The following ZNF516 variants were observed in gnomAD, a reference collection of about 807,000 sequenced individuals.
ZNF516 encodes zinc finger protein 516.
Under a neutral mutation model 79.7 loss-of-function variants are expected in ZNF516, and 19 were observed. The observed-to-expected ratio is 0.24, with a 90% CI of 0.17 to 0.35. The LOEUF is 0.35. Ranked by LOEUF, ZNF516 falls within the 10% of genes least tolerant of loss-of-function variation. The pLI is 1.00. For synonymous variants in ZNF516, 877 were observed against 739.5 expected, an observed-to-expected ratio of 1.19 and a Z score of -3.02; for missense variants, 1,678 against 1,679.5, an observed-to-expected ratio of 1.00 and a Z score of 0.02.
At chr18:76,370,821 C>A (rs370060829) in intron 5 of ZNF516, among the ~76,000 whole-genome samples, 3 of 152,202 alleles carry the variant, frequency 2.0e-5, no homozygotes, top group African/African-American at 7.2e-5. Flanking sequence ...AGAAAGCAAT[C>A]ACTGACAACA....
upstream of ZNF516, chr18:76,496,155 C>A (rs1331831163): frequency 1.6e-6 from 1 of 631,776 alleles, no homozygotes. Context: ...GAGGGGAGGG[C>A]GGGCGCGCGG....
chr18:76,404,678 T>C (rs2075279021), intron 3 of ZNF516, among the ~76,000 whole-genome samples: 1 of 152,188 alleles, frequency 6.6e-6, no homozygotes. Flanking sequence ...CGTGAGTTTG[T>C]GCCTGTGAGC....
At chr18:76,496,123 G>A (rs1915469893), upstream of ZNF516, among the ~76,000 whole-genome samples, 1 of 150,734 alleles carries the variant, frequency 6.6e-6, no homozygotes, top group Non-Finnish European at 1.5e-5. Context: ...CCTGTTACAG[G>A]GCAGGGATGG....
At chr18:76,448,411 G>A (rs1912193115) in intron 2 of ZNF516, among the ~76,000 whole-genome samples, 1 of 152,168 alleles carries the variant, frequency 6.6e-6, no homozygotes, top group Admixed American at 6.5e-5. Context: ...TAATAATACA[G>A]AGCAGAAAAG....
chr18:76,483,936 C>T (rs1914680415), intron 1 of ZNF516, among the ~76,000 whole-genome samples: 1 of 152,122 alleles, frequency 6.6e-6, no homozygotes, highest in Non-Finnish European at 1.5e-5. Context: ...CCAACTCGCA[C>T]GACATCCCCG....
chr18:76,478,906 AT>A (rs1239659001), intron 1 of ZNF516, among the ~76,000 whole-genome samples: 1 of 152,114 alleles, frequency 6.6e-6, no homozygotes, highest in Non-Finnish European at 1.5e-5. Context: ...AAATACAAAA[AT>A]TAGCTGGGCA....
intron 3 of ZNF516, among the ~76,000 whole-genome samples, chr18:76,390,379 T>G (rs868392386): frequency 1.3e-5 from 2 of 152,176 alleles, no homozygotes; most frequent in African/African-American, 4.8e-5. Flanking sequence ...GGCACACCTG[T>G]GTCAGGGTTT....
At chr18:76,481,124 T>C (rs1467191343) in intron 1 of ZNF516, among the ~76,000 whole-genome samples, 1 of 152,152 alleles carries the variant, frequency 6.6e-6, no homozygotes. Context: ...GGAGCTGACC[T>C]AGGATCCAAG....
At position 76,409,519 on chromosome 18, in the gene ZNF516, T is replaced by TA. The variant is rs2075346233; in HGVS notation, c.1811-29217dup. Reference sequence around the variant, plus strand: ...GTTGCAAAAAAAGAAAACAAGCACTTACATTTCATTGAACTAGAGACTGAA... The same window carrying TA: ...GTTGCAAAAAAAGAAAACAAGCACTTAACATTTCATTGAACTAGAGACTGAA... On this transcript the variant is annotated intron_variant, in intron 3 of 6. Coordinates refer to ENST00000443185, the MANE Select transcript of ZNF516 (RefSeq NM_014643.4). Among the ~76,000 whole-genome samples, 2 of 152,212 alleles carry TA rather than the reference T, an allele frequency of 1.3e-5. 1 individual carries two copies. The highest frequency in any genetic ancestry group is 4.1e-4 in the South Asian group (2 of 4,834).
intron 3 of ZNF516, among the ~76,000 whole-genome samples, chr18:76,419,461 A>T (rs181522701): frequency 3.9e-4 from 59 of 152,368 alleles, no homozygotes; most frequent in Non-Finnish European, 7.1e-4. Flanking sequence ...TGCACGTAAT[A>T]TAACAATACA....
intron 3 of ZNF516, among the ~76,000 whole-genome samples, chr18:76,413,301 TTTAAAA>T (rs1881817655): frequency 6.6e-6 from 1 of 152,214 alleles, no homozygotes; most frequent in Non-Finnish European, 1.5e-5. Context: ...ACTACATGAC[TTTAAAA>T]TTATATATAA....
chr18:76,437,067 AACACACACACACAC>A lies in ZNF516; in HGVS notation c.1810+4164_1810+4177del, dbSNP rs370573337. On this transcript the variant is annotated intron_variant, in intron 3 of 6. Coordinates refer to ENST00000443185, the MANE Select transcript of ZNF516 (RefSeq NM_014643.4). Reference sequence around the variant, plus strand: ...GGGTGACAGAGCAAGACCTGTCTAAAACACACACACACACACACACACACACACACACATACCGT... The same window carrying A: ...GGGTGACAGAGCAAGACCTGTCTAAAACACACACACACACACACATACCGT... Among the ~76,000 whole-genome samples the A allele has an allele frequency of 5.1e-5, 7 of 135,986 alleles. No individual in the cohort carries two copies. The South Asian group carries it at 7.4e-4, about 14-fold the overall frequency. 89.2% of individuals were successfully genotyped at this position (135,986 alleles called of 152,430 possible).
chr18:76,441,390 G>A lies in ZNF516; in HGVS notation c.1665C>T (p.Arg555=), dbSNP rs374420308. The A allele has an allele frequency of 1.1e-5, 18 of 1,609,640 alleles. No homozygotes were observed. Among genetic ancestry groups the A allele is most frequent in the Non-Finnish European group, 1.4e-5 (17 of 1,178,764 alleles). Residue 555 remains arginine, a synonymous_variant, in exon 3 of 7, where the codon CGC becomes CGT. Coordinates refer to ENST00000443185, the MANE Select transcript of ZNF516 (RefSeq NM_014643.4). The part of the protein sequence containing the change: ...DSDGDRAARA[R]CGSLSEGDSA... ...AGTCACCCTCACTGAGTGATCCGCA[G>A]CGGGCCCGCGCCGCCCTGTCCCCGT...
In ZNF516 at chr18:76,359,805, G is replaced by C. The variant is rs760898549; in HGVS notation, c.*2693C>G. 2 of 151,864 alleles carry C rather than the reference G, an allele frequency of 1.3e-5. No individual in the cohort carries two copies. Among genetic ancestry groups the C allele is most frequent in the Non-Finnish European group, 2.9e-5 (2 of 68,014 alleles). 9.4% of individuals were successfully genotyped at this position (151,864 alleles called of 1,614,324 possible). ...CAGTCAGAAGACAACGTACAGAAGT[G>C]TATCATGCAGAAATTACCATTCGGA... On this transcript the variant is annotated 3_prime_UTR_variant, in exon 7 of 7. Transcript: ENST00000443185.
chr18:76,412,776 G>A (rs1038919265), intron 3 of ZNF516, among the ~76,000 whole-genome samples: 1 of 152,178 alleles, frequency 6.6e-6, no homozygotes, highest in South Asian at 2.1e-4. Context: ...ACAGTTTTGG[G>A]CAACCAGGGA....
intron 2 of ZNF516, among the ~76,000 whole-genome samples, chr18:76,449,315 C>CGTT (rs1333085947): frequency 6.6e-6 from 1 of 152,224 alleles, no homozygotes; most frequent in Non-Finnish European, 1.5e-5. Context: ...CTACTCCGGC[C>CGTT]CAACAGCCTC....
At chr18:76,450,360 C>A (rs1406147356) in intron 2 of ZNF516, among the ~76,000 whole-genome samples, 2 of 150,966 alleles carry the variant, frequency 1.3e-5, no homozygotes, top group Admixed American at 1.3e-4. Flanking sequence ...ACTCCCCACC[C>A]TCCCCAGGCC....
chr18:76,430,130 A>G (rs751920451), intron 3 of ZNF516, among the ~76,000 whole-genome samples: 3 of 152,176 alleles, frequency 2.0e-5, no homozygotes, highest in African/African-American at 2.4e-5. Flanking sequence ...TCTTACCAAC[A>G]CATCCCTATC....
rs189119176 is a variant in ZNF516, at chr18:76,387,488, T to C, written c.1811-7185A>G. 3 of 152,296 alleles carry C rather than the reference T, an allele frequency of 2.0e-5. No individual in the cohort carries two copies. The East Asian group carries it at 5.8e-4, about 29-fold the overall frequency. 9.4% of individuals were successfully genotyped at this position (152,296 alleles called of 1,614,324 possible). On this transcript the variant is annotated intron_variant, in intron 3 of 6. Coordinates refer to ENST00000443185, the MANE Select transcript of ZNF516 (RefSeq NM_014643.4). ...AATTCTGTGTGTCGTGGTAGGTTTA[T>C]AAAATACAAATTGTTTTAATATATT...
Sources: gnomAD v4.1 joint callset for allele counts (sites outside exome capture counted in the v4.1 genomes callset) on GRCh38, gnomAD v4.1.1 for gene constraint, MANE v1.5 for transcripts, NCBI Gene and HGNC (gene_info 2026-07-23, HGNC 2026-07-21) for gene names.